Variants in CSTPP1 observed in about 807,000 individuals in gnomAD.
CSTPP1 encodes the protein UPF0705 protein C11orf49.
At chr11:47,069,530 A>G in the CSTPP1 span, among the ~76,000 whole-genome samples, 1 of 152,188 alleles carries the variant, frequency 6.6e-6, no homozygotes, top group Admixed American at 6.5e-5. Flanking sequence ...CCTATCTTCA[A>G]GAGAAAAAAT....
At chr11:47,157,981 G>A in the CSTPP1 span, 3 of 1,465,608 alleles carry the variant, frequency 2.0e-6, no homozygotes, top group East Asian at 6.8e-5. Context: ...GGAGCAGCTG[G>A]CCTCTGTTAG....
chr11:47,079,832 G>A, the CSTPP1 span, among the ~76,000 whole-genome samples: 119 of 151,958 alleles, frequency 7.8e-4, no homozygotes, highest in Non-Finnish European at 1.5e-3. Context: ...GGTGGCTCAC[G>A]CCTGTAATCC....
the CSTPP1 span, among the ~76,000 whole-genome samples, chr11:47,094,764 A>C: frequency 6.6e-6 from 1 of 152,248 alleles, no homozygotes; most frequent in Non-Finnish European, 1.5e-5. Flanking sequence ...AATAACAAAC[A>C]TTGCCATCAT....
chr11:47,157,191 A>G, the CSTPP1 span: 21 of 1,600,754 alleles, frequency 1.3e-5, no homozygotes, highest in Non-Finnish European at 1.8e-5. Context: ...CAGTGTCTGG[A>G]AAACCTGTGT....
the CSTPP1 span, among the ~76,000 whole-genome samples, chr11:47,090,072 C>T: frequency 6.6e-6 from 1 of 152,128 alleles, no homozygotes; most frequent in South Asian, 2.1e-4. Flanking sequence ...ACCTCTGCCT[C>T]CCAGGTTCAA....
At chr11:47,161,433 C>T in the CSTPP1 span, 7 of 1,611,998 alleles carry the variant, frequency 4.3e-6, no homozygotes, top group East Asian at 6.7e-5. Flanking sequence ...GGAGGCCTCT[C>T]GCTGCCCTCC....
the CSTPP1 span, among the ~76,000 whole-genome samples, chr11:47,104,602 A>G: frequency 1.3e-5 from 2 of 152,218 alleles, no homozygotes; most frequent in South Asian, 4.1e-4. Flanking sequence ...CTATCTGAAG[A>G]GCCCAGTGTC....
At chr11:46,972,144 G>A in the CSTPP1 span, among the ~76,000 whole-genome samples, 1 of 152,132 alleles carries the variant, frequency 6.6e-6, no homozygotes, top group Non-Finnish European at 1.5e-5. Context: ...GTTTTGGAAA[G>A]ACAAAGTATG....
chr11:47,115,750 T>TTA, the CSTPP1 span, among the ~76,000 whole-genome samples: 2 of 149,760 alleles, frequency 1.3e-5, no homozygotes, highest in African/African-American at 2.4e-5. Context: ...TGTTGATCTT[T>TTA]AAAAAAAAAA....
At chr11:47,049,038 T>G in the CSTPP1 span, among the ~76,000 whole-genome samples, 1 of 152,052 alleles carries the variant, frequency 6.6e-6, no homozygotes, top group East Asian at 1.9e-4. Flanking sequence ...CAGGCTGGAG[T>G]GCAGTGGTGC....
the CSTPP1 span, among the ~76,000 whole-genome samples, chr11:46,980,583 A>G: frequency 6.6e-6 from 1 of 152,206 alleles, no homozygotes; most frequent in Non-Finnish European, 1.5e-5. Context: ...CTTGGAGTAG[A>G]GAAGGCCTTT....
the CSTPP1 span, chr11:47,161,827 C>T: frequency 1.2e-5 from 17 of 1,394,042 alleles, no homozygotes; most frequent in Non-Finnish European, 1.5e-5. Flanking sequence ...AGGTGAATGG[C>T]CTGCTCTCCC....
chr11:46,943,524 G>A, the CSTPP1 span, among the ~76,000 whole-genome samples: 3 of 152,326 alleles, frequency 2.0e-5, no homozygotes, highest in Middle Eastern at 3.4e-3. Context: ...GGAGGCATCC[G>A]AGGAATGAGG....
At chr11:46,993,277 A>G in the CSTPP1 span, among the ~76,000 whole-genome samples, 2 of 151,274 alleles carry the variant, frequency 1.3e-5, no homozygotes, top group African/African-American at 2.4e-5. Flanking sequence ...TTTTGTTGCC[A>G]TTGCTTTTGG....
At chr11:47,069,771 C>T in the CSTPP1 span, among the ~76,000 whole-genome samples, 5 of 152,090 alleles carry the variant, frequency 3.3e-5, no homozygotes, top group South Asian at 8.3e-4. Flanking sequence ...TGCAGTGGCA[C>T]GATCTCACTC....
the CSTPP1 span, among the ~76,000 whole-genome samples, chr11:47,024,331 G>A: frequency 1.3e-5 from 2 of 151,338 alleles, no homozygotes; most frequent in Non-Finnish European, 2.9e-5. Flanking sequence ...CTCCCAAAGT[G>A]CTGGGATTAC....
chr11:47,026,306 A>G, the CSTPP1 span, among the ~76,000 whole-genome samples: 6 of 152,190 alleles, frequency 3.9e-5, no homozygotes, highest in Non-Finnish European at 5.9e-5. Flanking sequence ...AAACACAATT[A>G]TTCTGGATTT....
chr11:47,155,097 T>G, the CSTPP1 span: 1 of 815,030 alleles, frequency 1.2e-6, no homozygotes, highest in Admixed American at 1.9e-5. Context: ...CACTTTTCCC[T>G]TCCTCCCTCT....
At chr11:47,118,202 T>C in the CSTPP1 span, among the ~76,000 whole-genome samples, 1 of 152,158 alleles carries the variant, frequency 6.6e-6, no homozygotes, top group Non-Finnish European at 1.5e-5. Flanking sequence ...ATTAATTTGA[T>C]CTTCAATCAC....
Sources: allele counts gnomAD v4.1 joint callset (sites outside exome capture counted in the v4.1 genomes callset), GRCh38; gene constraint gnomAD v4.1.1; transcripts MANE v1.5; gene names NCBI Gene and HGNC (gene_info 2026-07-23, HGNC 2026-07-21).